The following CTBP2 variants were observed in gnomAD, a reference collection of about 807,000 sequenced individuals.
CTBP2 encodes the protein C-terminal-binding protein 2.
CTBP2 carries 30 observed loss-of-function variants against 80.3 expected under a neutral mutation model. The ratio of observed to expected loss-of-function variants is 0.37; its 90% CI spans 0.28 to 0.51. The LOEUF is 0.51. CTBP2 is among the 20% of genes least tolerant of loss of function. The pLI, the probability that CTBP2 is intolerant of heterozygous loss-of-function variation, is 0.93. For missense variants in CTBP2, 1,212 were observed against 1,375.3 expected, an observed-to-expected ratio of 0.88 and a Z score of 1.88; for synonymous variants, 594 against 587.4, an observed-to-expected ratio of 1.01 and a Z score of -0.16.
chr10:125,068,299 A>T (rs1199541612), intron 2 of CTBP2, among the ~76,000 whole-genome samples: 1 of 152,250 alleles, frequency 6.6e-6, no homozygotes, highest in Non-Finnish European at 1.5e-5. Context: ...TCCCAAATTC[A>T]GGAGTGTGAA....
chr10:125,036,121 G>A (rs772336403), intron 3 of CTBP2, among the ~76,000 whole-genome samples: 4 of 152,198 alleles, frequency 2.6e-5, no homozygotes, highest in South Asian at 2.1e-4. Context: ...ACAGCCTGGC[G>A]GAGTGAATCC....
Position 125,027,269 on chromosome 10 carries a change from A to G in CTBP2, c.491T>C (p.Leu164Pro), listed in dbSNP as rs376442956. The stretch of plus-strand genomic sequence containing the variant: ...CATTTTACCTCCAGGATCCCGGTAC[A>G]GGTGACCGGCGTCCTGCAGGGCAGG... The change falls in exon 1 of 9, where the codon CTG (leucine) becomes CCG (proline). Residue 164 changes from leucine (L) to proline (P), a missense_variant. Leu to Pro is a moderately conservative substitution (Grantham distance 98, BLOSUM62 -3). This residue lies in a region of CTBP2 where 848 missense variants were observed against 782.3 expected (regional missense o/e 1.08). Coordinates refer to ENST00000309035, the MANE Select transcript of CTBP2 (RefSeq NM_022802.3). 3.1e-6 allele frequency: 5 copies of G among 1,613,538 alleles called. No homozygotes were observed. The African/African-American group carries it at 5.3e-5, about 17-fold the overall frequency.
intron 1 of CTBP2, among the ~76,000 whole-genome samples, chr10:125,125,200 G>A (rs767144677): frequency 2.0e-5 from 3 of 152,138 alleles, no homozygotes; most frequent in Non-Finnish European, 2.9e-5. Context: ...CAGCCCAATC[G>A]TAAGACAGCG....
chr10:125,115,184 GAAGA>G lies in CTBP2; in HGVS notation c.-205-4095_-205-4092del, dbSNP rs1033927685. 2.1e-3 allele frequency among the ~76,000 whole-genome samples: 152 copies of G among 72,106 alleles called. 2 individuals are homozygous for G. The Middle Eastern group carries it at 0.06, about 28-fold the overall frequency. 47.3% of individuals were successfully genotyped at this position (72,106 alleles called of 152,430 possible). ...CTCAGCGTGGGCATATATTAGGGGA[GAAGA>G]AAGACTGATCCTAAAGGGGCCCTTG... is the stretch of plus-strand genomic sequence containing the variant. On this transcript the variant is annotated intron_variant, in intron 1 of 10. Coordinates refer to the CTBP2 transcript ENST00000337195.
intron 2 of CTBP2, among the ~76,000 whole-genome samples, chr10:125,104,152 C>T (rs1009481554): frequency 3.3e-5 from 5 of 152,190 alleles, no homozygotes; most frequent in African/African-American, 9.7e-5. Flanking sequence ...GCTCACACCA[C>T]GTGGAGCTGA....
At chr10:125,050,713 C>A (rs1043770711) in intron 2 of CTBP2, among the ~76,000 whole-genome samples, 1 of 152,228 alleles carries the variant, frequency 6.6e-6, no homozygotes. Context: ...TTCACAGTGG[C>A]TTCCAGTCCC....
At chr10:125,016,927 G>T (rs1412821381) in intron 1 of CTBP2, among the ~76,000 whole-genome samples, 1 of 152,254 alleles carries the variant, frequency 6.6e-6, no homozygotes, top group African/African-American at 2.4e-5. Flanking sequence ...AACGTGTTGG[G>T]TTGAGAGGCC....
intron 2 of CTBP2, among the ~76,000 whole-genome samples, chr10:125,104,767 T>C (rs1365917879): frequency 6.6e-6 from 1 of 152,244 alleles, no homozygotes; most frequent in Non-Finnish European, 1.5e-5. Context: ...AGACTTTATT[T>C]TTAACAGCAT....
chr10:125,074,993 A>C (rs557286107), intron 2 of CTBP2, among the ~76,000 whole-genome samples: 1 of 152,348 alleles, frequency 6.6e-6, no homozygotes, highest in South Asian at 2.1e-4. Flanking sequence ...CTCCTAACTG[A>C]CGCCAGGCAG....
intron 2 of CTBP2, among the ~76,000 whole-genome samples, chr10:125,042,701 G>A (rs1196920879): frequency 6.6e-6 from 1 of 152,114 alleles, no homozygotes; most frequent in Non-Finnish European, 1.5e-5. Flanking sequence ...AAAAACACTC[G>A]GTGGGAGCCT....
At chr10:125,079,225 G>A (rs895733085) in intron 2 of CTBP2, among the ~76,000 whole-genome samples, 20 of 151,572 alleles carry the variant, frequency 1.3e-4, no homozygotes, top group Non-Finnish European at 2.9e-4. Flanking sequence ...GAGCCTGCCC[G>A]GGATATCACC....
intron 1 of CTBP2, among the ~76,000 whole-genome samples, chr10:125,004,316 A>G (rs1954946221): frequency 6.6e-6 from 1 of 152,214 alleles, no homozygotes; most frequent in African/African-American, 2.4e-5. Context: ...CGCCCCGTGC[A>G]CATACAGGGC....
chr10:125,017,657 C>A (rs1413859782), intron 1 of CTBP2, among the ~76,000 whole-genome samples: 1 of 152,258 alleles, frequency 6.6e-6, no homozygotes, highest in African/African-American at 2.4e-5. Context: ...TTGCTCTTCA[C>A]TGGGAGAATT....
chr10:125,056,428 G>A (rs79556693), intron 2 of CTBP2, among the ~76,000 whole-genome samples: 1,814 of 152,264 alleles, frequency 0.012, 33 homozygotes, highest in African/African-American at 0.04. Flanking sequence ...GTGAGTCCCC[G>A]AAACCTCAGG....
chr10:125,075,434 CCT>C (rs1054695497), intron 2 of CTBP2, among the ~76,000 whole-genome samples: 9 of 152,252 alleles, frequency 5.9e-5, no homozygotes, highest in Non-Finnish European at 8.8e-5. Context: ...TTCTCTTTCT[CCT>C]CTCTCTTTGC....
intron 2 of CTBP2, among the ~76,000 whole-genome samples, chr10:125,098,765 A>G (rs949075181): frequency 7.0e-6 from 1 of 142,830 alleles, no homozygotes; most frequent in East Asian, 2.1e-4. Context: ...AGAGAGAGAG[A>G]GAGAGAGAGA....
Position 124,985,132 on chromosome 10 carries a change from A to G in CTBP2, c.*4386T>C. The G allele has an allele frequency of 1.5e-6, 1 of 651,092 alleles. No individual in the cohort carries two copies. The highest frequency in any genetic ancestry group is 2.7e-5 in the East Asian group (1 of 36,608). The allele number at this position is 651,092 out of a possible 1,614,324, so 40.3% of individuals were successfully genotyped here. ...GCTCGGGGAAGTGTTTTCCTGGACC[A>G]CACACACCTTATGGAGATAATGCCT... is the stretch of plus-strand genomic sequence containing the variant. On this transcript the variant is annotated 3_prime_UTR_variant, in exon 9 of 9. Transcript: ENST00000309035.
At chr10:125,140,560 C>T (rs948704487) in intron 1 of CTBP2, among the ~76,000 whole-genome samples, 1 of 152,208 alleles carries the variant, frequency 6.6e-6, no homozygotes, top group Admixed American at 6.5e-5. Flanking sequence ...CAGTGGCTCA[C>T]GCCTGTAATC....
intron 3 of CTBP2, among the ~76,000 whole-genome samples, chr10:125,001,730 C>G (rs929767970): frequency 1.3e-5 from 2 of 152,192 alleles, no homozygotes; most frequent in African/African-American, 4.8e-5. Context: ...ACGGGCAGCT[C>G]CCTGCTCGCC....
Sources: gnomAD v4.1 joint callset for allele counts (sites outside exome capture counted in the v4.1 genomes callset) on GRCh38, gnomAD v4.1.1 for gene constraint, gnomAD v4.1.1 regional missense constraint, MANE v1.5 for transcripts, NCBI Gene and HGNC (gene_info 2026-07-23, HGNC 2026-07-21) for gene names.